NRXN1: variants seen among roughly 807,000 people sequenced by gnomAD.
NRXN1 encodes neurexin 1.
In NRXN1, 39 loss-of-function variants were observed where a neutral mutation model predicts 150.9. That is an observed-to-expected ratio of 0.26 (90% CI 0.20 to 0.34). The LOEUF is 0.34. NRXN1 is among the 10% of genes least tolerant of loss of function. The pLI, the probability that NRXN1 is intolerant of heterozygous loss-of-function variation, is 1.00. For synonymous variants in NRXN1, 924 were observed against 757.0 expected, an observed-to-expected ratio of 1.22 and a Z score of -3.62; for missense variants, 1,815 against 1,949.9, an observed-to-expected ratio of 0.93 and a Z score of 1.30.
chr2:50,163,375 C>T (rs1457582617), intron 18 of NRXN1, among the ~76,000 whole-genome samples: 1 of 151,988 alleles, frequency 6.6e-6, no homozygotes, highest in African/African-American at 2.4e-5. Flanking sequence ...CCGCGCAAAA[C>T]AACTGAGTTT....
intron 22 of NRXN1, among the ~76,000 whole-genome samples, chr2:49,932,182 G>A (rs1670245229): frequency 1.3e-5 from 2 of 152,168 alleles, no homozygotes; most frequent in African/African-American, 4.8e-5. Flanking sequence ...TTGGGAGGCT[G>A]AGAGAGGAGT....
chr2:50,228,112 G>A (rs1002491812), intron 18 of NRXN1, among the ~76,000 whole-genome samples: 6 of 151,982 alleles, frequency 3.9e-5, no homozygotes, highest in Non-Finnish European at 8.8e-5. Flanking sequence ...TAAATGTTAA[G>A]TGTAAAACAC....
At chr2:50,009,910 G>C (rs901120010) in intron 21 of NRXN1, among the ~76,000 whole-genome samples, 5 of 152,016 alleles carry the variant, frequency 3.3e-5, no homozygotes, top group Non-Finnish European at 2.9e-5. Flanking sequence ...TGAAATCACT[G>C]TTCTTTCTAA....
chr2:50,123,190 G>C (rs539950265), intron 18 of NRXN1, among the ~76,000 whole-genome samples: 70 of 152,230 alleles, frequency 4.6e-4, no homozygotes, highest in Admixed American at 2.2e-3. Context: ...TGGAGGAACA[G>C]AAAATAACTT....
intron 15 of NRXN1, among the ~76,000 whole-genome samples, chr2:50,490,967 C>G (rs2091220779): frequency 6.6e-6 from 1 of 151,978 alleles, no homozygotes; most frequent in Admixed American, 6.5e-5. Flanking sequence ...AAAAAGTAAC[C>G]TCAAACAGCA....
At chr2:50,951,501 T>C (rs997721007) in intron 2 of NRXN1, among the ~76,000 whole-genome samples, 4 of 152,310 alleles carry the variant, frequency 2.6e-5, no homozygotes, top group African/African-American at 9.6e-5. Context: ...CACCTTTATA[T>C]AGTTCACTAA....
chr2:50,763,778 C>G (rs919037013), intron 5 of NRXN1, among the ~76,000 whole-genome samples: 3 of 151,874 alleles, frequency 2.0e-5, no homozygotes, highest in Non-Finnish European at 4.4e-5. Flanking sequence ...AATGAAAAAG[C>G]CTGTAACAGC....
chr2:50,255,434 T>C (rs1411796773), intron 17 of NRXN1, among the ~76,000 whole-genome samples: 1 of 152,166 alleles, frequency 6.6e-6, no homozygotes, highest in African/African-American at 2.4e-5. Flanking sequence ...AAATCAGACA[T>C]GGGGCAGGTA....
chr2:50,151,236 G>A (rs1254350271), intron 18 of NRXN1, among the ~76,000 whole-genome samples: 4 of 151,622 alleles, frequency 2.6e-5, no homozygotes, highest in East Asian at 1.9e-4. Context: ...CATTCTGGGA[G>A]CCAATAAATC....
chr2:50,045,491 C>T (rs1000150941), intron 21 of NRXN1, among the ~76,000 whole-genome samples: 1 of 152,090 alleles, frequency 6.6e-6, no homozygotes, highest in East Asian at 1.9e-4. Context: ...ACTACAGGCG[C>T]GTGCCACCAT....
chr2:49,924,090 T>C (rs569877558), intron 22 of NRXN1, among the ~76,000 whole-genome samples: 7 of 152,236 alleles, frequency 4.6e-5, no homozygotes, highest in Middle Eastern at 3.2e-3. Flanking sequence ...TTAAATACAG[T>C]CATCTTTGCC....
At chr2:50,290,455 CAT>C (rs1346388881) in intron 17 of NRXN1, among the ~76,000 whole-genome samples, 7 of 152,164 alleles carry the variant, frequency 4.6e-5, no homozygotes, top group Non-Finnish European at 1.5e-5. Context: ...TGATACAAGT[CAT>C]AGGCATAACA....
intron 17 of NRXN1, among the ~76,000 whole-genome samples, chr2:50,322,713 A>G (rs1303677963): frequency 6.6e-6 from 1 of 152,176 alleles, no homozygotes; most frequent in African/African-American, 2.4e-5. Flanking sequence ...ATTCATTCCA[A>G]ATATAGAAAA....
At chr2:50,818,050 TAA>T (rs543021778) in intron 5 of NRXN1, among the ~76,000 whole-genome samples, 3 of 94,496 alleles carry the variant, frequency 3.2e-5, no homozygotes, top group Middle Eastern at 0.017. Flanking sequence ...CAGCAAAAAG[TAA>T]AAAAAATCTC....
chr2:50,682,525 CAT>C (rs1187016569), intron 5 of NRXN1, among the ~76,000 whole-genome samples: 1 of 152,156 alleles, frequency 6.6e-6, no homozygotes, highest in African/African-American at 2.4e-5. Context: ...GGTTGACACA[CAT>C]ATGAGCACGA....
At chr2:50,376,973 TA>T (rs757516611) in intron 17 of NRXN1, among the ~76,000 whole-genome samples, 3 of 142,510 alleles carry the variant, frequency 2.1e-5, no homozygotes, top group Non-Finnish European at 3.1e-5. Flanking sequence ...TTTTTTTTTT[TA>T]AATGAGTAAG....
At chr2:50,074,469 A>G (rs574372976) in intron 19 of NRXN1, among the ~76,000 whole-genome samples, 3 of 152,268 alleles carry the variant, frequency 2.0e-5, no homozygotes, top group African/African-American at 7.2e-5. Flanking sequence ...TCTTCTGTAA[A>G]ATGGGGATAA....
chr2:49,968,322 T>C (rs934050494), intron 21 of NRXN1, among the ~76,000 whole-genome samples: 30 of 152,114 alleles, frequency 2.0e-4, no homozygotes, highest in African/African-American at 7.0e-4. Context: ...AATGGCTAAT[T>C]TTAATGAATA....
intron 21 of NRXN1, among the ~76,000 whole-genome samples, chr2:50,052,465 A>C (rs1308168400): frequency 6.6e-6 from 1 of 152,130 alleles, no homozygotes; most frequent in Non-Finnish European, 1.5e-5. Flanking sequence ...ATTTCGAATA[A>C]GGTTTTTTTT....
Sources: allele counts gnomAD v4.1 joint callset (sites outside exome capture counted in the v4.1 genomes callset), GRCh38; gene constraint gnomAD v4.1.1; transcripts MANE v1.5; gene names NCBI Gene and HGNC (gene_info 2026-07-23, HGNC 2026-07-21).